BACE2: variants seen among roughly 807,000 people sequenced by gnomAD.
BACE2 encodes beta-secretase 2, also known as 56 kDa aspartic-like protease.
In BACE2, 17 loss-of-function variants were observed where a neutral mutation model predicts 46.2. The ratio of observed to expected loss-of-function variants is 0.37; its 90% CI spans 0.25 to 0.55. The LOEUF (loss-of-function observed/expected upper bound fraction) is 0.55. Ranked by LOEUF, BACE2 falls within the 20% of genes least tolerant of loss-of-function variation. BACE2 has a pLI of 0.82. For synonymous variants in BACE2, 277 were observed against 295.9 expected (o/e 0.94, Z 0.66); for missense variants, 595 against 698.1 (o/e 0.85, Z 1.66).
In BACE2 at chr21:41,257,299, G is replaced by A. The variant is rs1326563685; in HGVS notation, c.1276G>A (p.Val426Met). The change falls in exon 8 of 9, where the codon GTG becomes ATG. Residue 426 changes from valine to methionine, a missense_variant. Val to Met is a conservative substitution (Grantham distance 21, BLOSUM62 1). Coordinates refer to ENST00000330333, the MANE Select transcript of BACE2 (RefSeq NM_012105.5). ...YVIFDRAQKR[V>M]GFAASPCAEI... ...CATCTTCGACAGAGCCCAGAAGAGG[G>A]TGGGCTTCGCAGCGAGCCCCTGTGC... is the stretch of plus-strand genomic sequence containing the variant. 1.2e-6 allele frequency: 2 copies of A among 1,613,908 alleles called. No homozygotes were observed. The highest frequency in any genetic ancestry group is 1.7e-6 in the Non-Finnish European group (2 of 1,180,038).
At chr21:41,186,929 T>C (rs1401224568) in intron 1 of BACE2, 1 of 152,482 alleles carries the variant, frequency 6.6e-6, no homozygotes, top group Non-Finnish European at 1.5e-5. Context: ...GGGTGGTAAC[T>C]TCTGGGTGTT....
In BACE2 at chr21:41,206,471, G is replaced by C. The variant is rs8134302; in HGVS notation, c.313-19795G>C. On this transcript the variant is annotated intron_variant, in intron 1 of 8. Coordinates refer to ENST00000330333, the MANE Select transcript of BACE2 (RefSeq NM_012105.5). ...ATTATTCAGCCTTAAAAAGGAAGAC[G>C]GTTCTGGCACATGCTATAACATGGA... Among the ~76,000 whole-genome samples, 14 of 152,166 alleles carry C rather than the reference G, an allele frequency of 9.2e-5. 1 individual carries two copies. In the South Asian group the frequency reaches 2.5e-3, roughly 27 times the overall value.
chr21:41,228,626 A>G (rs925249299), intron 2 of BACE2, among the ~76,000 whole-genome samples: 2 of 152,156 alleles, frequency 1.3e-5, no homozygotes, highest in African/African-American at 4.8e-5. Context: ...CCTGGAGCTA[A>G]CAGAGTGAGA....
intron 8 of BACE2, among the ~76,000 whole-genome samples, chr21:41,262,494 T>C (rs1028788494): frequency 1.3e-5 from 2 of 152,132 alleles, no homozygotes; most frequent in Non-Finnish European, 2.9e-5. Flanking sequence ...TTCTTATTCT[T>C]CCTCAGAGTT....
chr21:41,232,362 G>C (rs1470159533), intron 2 of BACE2, among the ~76,000 whole-genome samples: 3 of 152,138 alleles, frequency 2.0e-5, no homozygotes, highest in Non-Finnish European at 4.4e-5. Context: ...GGGGTGGTTG[G>C]ACTTTAGAAT....
At position 41,280,333 on chromosome 21, in the gene BACE2, T is replaced by A. The variant is rs1170685929; in HGVS notation, c.*4709T>A. 2 of 152,340 alleles carry A rather than the reference T, an allele frequency of 1.3e-5. No homozygotes were observed. The highest frequency in any genetic ancestry group is 4.8e-5 in the African/African-American group (2 of 41,478). The allele number at this position is 152,340 out of a possible 1,614,324, so 9.4% of individuals were successfully genotyped here. A position where few individuals can be genotyped will look rare whatever the true frequency, so the allele number is the denominator to read the frequency against. The stretch of plus-strand genomic sequence containing the variant: ...GGGCCCTCACCGTTTCCGCCAGCTC[T>A]GCTGAGCCAGCCCAGCCCATGCATT... On this transcript the variant is annotated 3_prime_UTR_variant, in exon 9 of 9. Transcript: ENST00000330333.
rs1471593198 is a variant in BACE2, at chr21:41,254,137, G to GA, written c.1135-3017dup. Among the ~76,000 whole-genome samples the GA allele has an allele frequency of 1.3e-5, 2 of 152,234 alleles. 1 individual carries two copies. The highest frequency in any genetic ancestry group is 2.9e-5 in the Non-Finnish European group (2 of 68,040). On this transcript the variant is annotated intron_variant, in intron 7 of 8. Transcript: ENST00000330333. ...AAGTGGGCAAACGATTGCTCCTGCA[G>GA]AAAAGAGTCAATTCGAAAGCAATTA...
chr21:41,186,483 G>GTCT (rs1424942082), intron 1 of BACE2: 26 of 152,656 alleles, frequency 1.7e-4, no homozygotes, highest in African/African-American at 6.0e-4. Context: ...GTCTCTTGCT[G>GTCT]TCTTGCCAAC....
chr21:41,247,743 C>T (rs1987515315), intron 6 of BACE2, among the ~76,000 whole-genome samples: 2 of 152,220 alleles, frequency 1.3e-5, no homozygotes, highest in Non-Finnish European at 2.9e-5. Context: ...AATGAGATCA[C>T]AACATTTGTT....
At chr21:41,259,942 T>C (rs1194413475) in intron 8 of BACE2, among the ~76,000 whole-genome samples, 4 of 151,356 alleles carry the variant, frequency 2.6e-5, no homozygotes, top group Non-Finnish European at 5.9e-5. Flanking sequence ...GGTGATCCTC[T>C]GACCTCAACC....
chr21:41,278,865 T>A lies in BACE2; in HGVS notation c.*3241T>A, dbSNP rs2088517015. The A allele has an allele frequency of 2.0e-5, 3 of 152,222 alleles. No homozygotes were observed. 9.4% of individuals were successfully genotyped at this position (152,222 alleles called of 1,614,324 possible). On this transcript the variant is annotated 3_prime_UTR_variant, in exon 9 of 9. Coordinates refer to ENST00000330333, the MANE Select transcript of BACE2 (RefSeq NM_012105.5). ...GGGAATAAATCGTTGTTCAACAGTC[T>A]GTTCCACAAACAACAGTAATTGAAT...
chr21:41,249,161 C>T (rs1987562083), intron 6 of BACE2, among the ~76,000 whole-genome samples: 1 of 145,466 alleles, frequency 6.9e-6, no homozygotes, highest in Non-Finnish European at 1.5e-5. Flanking sequence ...GTGAGCCCCA[C>T]ATGTACACTT....
intron 1 of BACE2, among the ~76,000 whole-genome samples, chr21:41,205,821 G>A (rs994997202): frequency 2.0e-5 from 3 of 152,058 alleles, no homozygotes; most frequent in African/African-American, 4.8e-5. Context: ...TCTTAACATC[G>A]GGTCATGAAT....
rs536044221 is a variant in BACE2 at position 41,179,989 on chromosome 21, T to C, written c.312+11414T>C. On this transcript the variant is annotated intron_variant, in intron 1 of 8. Transcript: ENST00000330333. ...AAGCCAGTGGTGTTAGCAACTTTTA[T>C]TGAAGCGGCCGGCTGTGCACAGCAG... 9 of 349,476 alleles carry C rather than the reference T, an allele frequency of 2.6e-5. No individual in the cohort carries two copies. The East Asian group carries it at 7.3e-4, about 28-fold the overall frequency. 21.6% of individuals were successfully genotyped at this position (349,476 alleles called of 1,614,324 possible). A position where few individuals can be genotyped will look rare whatever the true frequency, so the allele number is the denominator to read the frequency against.
At chr21:41,256,850 A>G (rs1479644684) in intron 7 of BACE2, among the ~76,000 whole-genome samples, 2 of 152,116 alleles carry the variant, frequency 1.3e-5, no homozygotes, top group Admixed American at 6.5e-5. Flanking sequence ...ATCTCTTCAA[A>G]ATATTTTACA....
chr21:41,246,134 G>A (rs1240342020), intron 6 of BACE2, 71 bp downstream of exon 6: 37 of 1,206,310 alleles, frequency 3.1e-5, no homozygotes, highest in Admixed American at 4.5e-5. Context: ...GCAGCACTGC[G>A]TGTTCTGAGC....
intron 3 of BACE2, among the ~76,000 whole-genome samples, chr21:41,238,887 G>A (rs1476825447): frequency 2.1e-5 from 3 of 144,632 alleles, no homozygotes; most frequent in Non-Finnish European, 4.5e-5. Context: ...GCACCAGCAT[G>A]GCACATGTAT....
chr21:41,179,509 G>A lies in BACE2; in HGVS notation c.312+10934G>A, dbSNP rs779806208. 6 of 1,343,114 alleles carry A rather than the reference G, an allele frequency of 4.5e-6. No individual in the cohort carries two copies. The African/African-American group carries it at 8.1e-5, about 18-fold the overall frequency. The allele number at this position is 1,343,114 out of a possible 1,614,324, so 83.2% of individuals were successfully genotyped here. A position where few individuals can be genotyped will look rare whatever the true frequency, so the allele number is the denominator to read the frequency against. On this transcript the variant is annotated intron_variant, in intron 1 of 8. Coordinates refer to ENST00000330333, the MANE Select transcript of BACE2 (RefSeq NM_012105.5). Reference sequence around the variant, plus strand: ...AGGGTGAGGAGTGACGGTGTCTGGGGTGAGTGAGGGTGTCCAGGGTGAGGA... The same window carrying A: ...AGGGTGAGGAGTGACGGTGTCTGGGATGAGTGAGGGTGTCCAGGGTGAGGA...
intron 1 of BACE2, chr21:41,179,744 G>T (rs1985037853): frequency 9.6e-7 from 1 of 1,038,506 alleles, no homozygotes; most frequent in Non-Finnish European, 1.3e-6. Context: ...TCAAGCTGAG[G>T]GTGCCTGGTG....
Sources: allele counts gnomAD v4.1 joint callset (sites outside exome capture counted in the v4.1 genomes callset), GRCh38; gene constraint gnomAD v4.1.1; transcripts MANE v1.5; gene names NCBI Gene and HGNC (gene_info 2026-07-23, HGNC 2026-07-21).